The following BAHD1 variants were observed in gnomAD, a reference collection of about 807,000 sequenced individuals.
BAHD1 encodes the protein bromo adjacent homology domain containing 1.
In BAHD1, 20 loss-of-function variants were observed where a neutral mutation model predicts 63.1. The ratio of observed to expected loss-of-function variants is 0.32; its 90% CI spans 0.22 to 0.46. BAHD1 has a LOEUF of 0.46. Ranked by LOEUF, BAHD1 falls within the 20% of genes least tolerant of loss-of-function variation. BAHD1 has a pLI of 1.00. For synonymous variants in BAHD1, 408 were observed against 426.8 expected, an observed-to-expected ratio of 0.96 and a Z score of 0.54; for missense variants, 939 against 1,071.8, an observed-to-expected ratio of 0.88 and a Z score of 1.73.
Position 40,468,080 on chromosome 15 carries a change from A to G in BAHD1, c.*1950A>G, listed in dbSNP as rs867379652. On this transcript the variant is annotated 3_prime_UTR_variant, in exon 7 of 7. Transcript: ENST00000416165. ...TATATTTTAGTTGATATTTTGTAAA[A>G]TGCACTTTTTGTGTGTGTTGATCCT... The G allele has an allele frequency of 6.5e-6, 1 of 152,672 alleles. No homozygotes were observed. Among genetic ancestry groups the G allele is most frequent in the South Asian group, 2.1e-4 (1 of 4,834 alleles). The allele number at this position is 152,672 out of a possible 1,614,324, so 9.5% of individuals were successfully genotyped here.
intron 1 of BAHD1, among the ~76,000 whole-genome samples, chr15:40,447,729 G>A (rs1893583905): frequency 6.6e-6 from 1 of 152,152 alleles, no homozygotes; most frequent in South Asian, 2.1e-4. Context: ...TGCATGTTAA[G>A]ATGACAGTTT....
At chr15:40,461,755 A>G (rs1426816191) in intron 2 of BAHD1, among the ~76,000 whole-genome samples, 157 bp from the exon 3 acceptor site, 2 of 152,136 alleles carry the variant, frequency 1.3e-5, no homozygotes, top group Non-Finnish European at 2.9e-5. Flanking sequence ...TTAGAGAGTC[A>G]CTCTGACAGT....
chr15:40,459,001 A>C lies in BAHD1; in HGVS notation c.537A>C (p.Gly179=), dbSNP rs1401689761. 2 of 1,585,302 alleles carry C rather than the reference A, an allele frequency of 1.3e-6. No individual in the cohort carries two copies. The highest frequency in any genetic ancestry group is 1.7e-6 in the Non-Finnish European group (2 of 1,163,756). ...CCCGGCTGGGGGACCTTGGAGGAGGAAGTCGGGACCTGTCTCCAGAGCCAG... is the reference window on the plus strand; with the variant it reads ...CCCGGCTGGGGGACCTTGGAGGAGGCAGTCGGGACCTGTCTCCAGAGCCAG... ...KRPRLGDLGG[G]SRDLSPEPAP... Residue 179 remains glycine (G), a synonymous_variant, in exon 2 of 7, where the codon GGA becomes GGC. Transcript: ENST00000416165.
At chr15:40,438,005 C>T (rs891711012), upstream of BAHD1, among the ~76,000 whole-genome samples, 2 of 152,156 alleles carry the variant, frequency 1.3e-5, no homozygotes, top group Non-Finnish European at 2.9e-5. Context: ...CCCTGCCTGG[C>T]AGCAGCCCGG....
In BAHD1 at chr15:40,458,890, C is replaced by G; in HGVS notation, c.426C>G (p.Gly142=). ...GAGAGGACACCAGCAGCCTGGCAGGCACCCGCCGCAGTCGAGCAGGGGATC... is the reference window on the plus strand; with the variant it reads ...GAGAGGACACCAGCAGCCTGGCAGGGACCCGCCGCAGTCGAGCAGGGGATC... ...LEREDTSSLA[G]TRRSRAGDPH... The change falls in exon 2 of 7, where the codon GGC becomes GGG. Residue 142 remains glycine (G), a synonymous_variant. Transcript: ENST00000416165. This position sits in a 1 kb window ranked among gnomAD's most constrained non-coding sequence, Gnocchi z 4.7. 2 of 1,588,688 alleles carry G rather than the reference C, an allele frequency of 1.3e-6. No homozygotes were observed. The highest frequency in any genetic ancestry group is 1.7e-6 in the Non-Finnish European group (2 of 1,166,300).
chr15:40,459,005 C>T lies in BAHD1; in HGVS notation c.541C>T (p.Arg181Trp), dbSNP rs374321595. 122 of 1,587,696 alleles carry T rather than the reference C, an allele frequency of 7.7e-5. No individual in the cohort carries two copies. Among genetic ancestry groups the T allele is most frequent in the Non-Finnish European group, 9.4e-5 (110 of 1,165,288 alleles). ...GCTGGGGGACCTTGGAGGAGGAAGTCGGGACCTGTCTCCAGAGCCAGCACC... is the reference window on the plus strand; with the variant it reads ...GCTGGGGGACCTTGGAGGAGGAAGTTGGGACCTGTCTCCAGAGCCAGCACC... The part of the protein sequence containing the change: ...PRLGDLGGGS[R>W]DLSPEPAPDE... The change falls in exon 2 of 7, where the codon CGG becomes TGG. Residue 181 changes from arginine (R) to tryptophan (W), a missense_variant. Physicochemically the swap from Arg to Trp is moderately radical, Grantham distance 101 (BLOSUM62 -3). Around this residue, in one of 5 missense-constraint regions of BAHD1, gnomAD observed 797 missense variants for 813.3 expected, o/e 0.98. Transcript: ENST00000416165.
chr15:40,465,818 G>C, intron 6 of BAHD1, 123 bp from the exon 7 acceptor site: 1 of 1,003,212 alleles, frequency 1.0e-6, no homozygotes, highest in Non-Finnish European at 1.5e-6. Flanking sequence ...GGTGGAGACA[G>C]TACCACCCCT....
intron 1 of BAHD1, among the ~76,000 whole-genome samples, chr15:40,445,270 A>C (rs936414934): frequency 7.3e-5 from 11 of 151,250 alleles, no homozygotes; most frequent in Non-Finnish European, 1.6e-4. Flanking sequence ...AAAAAAAAAA[A>C]AAAAAACAAC....
intron 1 of BAHD1, among the ~76,000 whole-genome samples, chr15:40,445,884 G>T (rs1477090572): frequency 6.6e-6 from 1 of 152,226 alleles, no homozygotes; most frequent in Non-Finnish European, 1.5e-5. Flanking sequence ...GGTTCTGAGG[G>T]CAGCCCCAGC....
At chr15:40,464,405 C>A in intron 4 of BAHD1, 66 bp from the exon 5 acceptor site, 1 of 1,394,760 alleles carries the variant, frequency 7.2e-7, no homozygotes, top group Non-Finnish European at 1.0e-6. Context: ...AGCCAGCCAG[C>A]CTCTCTGCCT....
At chr15:40,444,054 T>C (rs1336740576) in intron 1 of BAHD1, among the ~76,000 whole-genome samples, 1 of 151,962 alleles carries the variant, frequency 6.6e-6, no homozygotes, top group Admixed American at 6.6e-5. Context: ...TCCTCTTGAG[T>C]GGTTTTGTAG....
At chr15:40,444,317 T>C (rs1263504918) in intron 1 of BAHD1, among the ~76,000 whole-genome samples, 3 of 152,176 alleles carry the variant, frequency 2.0e-5, no homozygotes, top group African/African-American at 7.2e-5. Context: ...TAGGGCATGT[T>C]TGGGGTGCTG....
Position 40,466,147 on chromosome 15 carries a change from C to G in BAHD1, c.*17C>G. ...CCCCAGTAGCCTCCTCATGCCCATG[C>G]TGGGGCTACCCATGGGCAAGTGGGG... On this transcript the variant is annotated 3_prime_UTR_variant, in exon 7 of 7. Transcript: ENST00000416165. 1.9e-6 allele frequency: 3 copies of G among 1,606,906 alleles called. No individual in the cohort carries two copies. The highest frequency in any genetic ancestry group is 2.6e-6 in the Non-Finnish European group (3 of 1,175,950).
intron 1 of BAHD1, among the ~76,000 whole-genome samples, chr15:40,447,896 T>C (rs1384010492): frequency 6.6e-6 from 1 of 152,204 alleles, no homozygotes; most frequent in Non-Finnish European, 1.5e-5. Context: ...AGCTCTCTCA[T>C]TTATTCATTT....
intron 1 of BAHD1, among the ~76,000 whole-genome samples, chr15:40,445,267 AAAAAAAAAAC>A (rs1328945369): frequency 3.3e-4 from 50 of 151,566 alleles, no homozygotes; most frequent in African/African-American, 1.1e-3. Flanking sequence ...AAAAAAAAAA[AAAAAAAAAAC>A]AACCCTTTCA....
At chr15:40,439,966 G>GT (rs550995588), upstream of BAHD1, 105 of 152,384 alleles carry the variant, frequency 6.9e-4, no homozygotes, top group African/African-American at 2.3e-3. Flanking sequence ...GGGAAGCCAG[G>GT]TAAGTGTCTA....
At chr15:40,453,876 G>A (rs1293889243) in intron 1 of BAHD1, 2 of 151,882 alleles carry the variant, frequency 1.3e-5, no homozygotes, top group African/African-American at 2.4e-5. Flanking sequence ...GGGAGGCTGA[G>A]GTGGAAGGAT....
chr15:40,463,868 C>G lies in BAHD1; in HGVS notation c.1823C>G (p.Pro608Arg). The G allele has an allele frequency of 6.2e-7, 1 of 1,614,146 alleles. No individual in the cohort carries two copies. The highest frequency in any genetic ancestry group is 8.5e-7 in the Non-Finnish European group (1 of 1,180,000). The change falls in exon 4 of 7, where the codon CCG (proline) becomes CGG (arginine). Residue 608 changes from proline (P) to arginine (R), a missense_variant. Physicochemically the swap from Pro to Arg is moderately radical, Grantham distance 103. Transcript: ENST00000416165. ...CATTGGTTTGTTGCCTAGGATGAGC[C>G]GGAGCCAGCCATCCGAAAGAGCTAC... ...CEKAVYVLDE[P>R]EPAIRKSYQA... is the part of the protein sequence containing the mutation.
intron 1 of BAHD1, among the ~76,000 whole-genome samples, chr15:40,451,544 C>T (rs1893703632): frequency 6.6e-6 from 1 of 152,264 alleles, no homozygotes; most frequent in Non-Finnish European, 1.5e-5. Context: ...CTCTGCTAGG[C>T]ACTTTACACA....
Sources: allele counts gnomAD v4.1 joint callset (sites outside exome capture counted in the v4.1 genomes callset), GRCh38; gene constraint gnomAD v4.1.1; regional missense constraint gnomAD v4.1.1; non-coding constraint Gnocchi (gnomAD v3.1); transcripts MANE v1.5; gene names NCBI Gene and HGNC (gene_info 2026-07-23, HGNC 2026-07-21).